The following DOCK4 variants were observed in gnomAD, a reference collection of about 807,000 sequenced individuals.
DOCK4 encodes the protein dedicator of cytokinesis 4, also known as dedicator of cytokinesis protein 4.
DOCK4 carries 97 observed loss-of-function variants against 268.1 expected under a neutral mutation model. The ratio of observed to expected loss-of-function variants is 0.36; its 90% CI spans 0.31 to 0.43. The LOEUF is 0.43. Ranked by LOEUF, DOCK4 falls within the 20% of genes least tolerant of loss-of-function variation. The pLI is 1.00. For synonymous variants in DOCK4, 954 were observed against 887.2 expected, an observed-to-expected ratio of 1.08 and a Z score of -1.34; for missense variants, 2,145 against 2,455.7, an observed-to-expected ratio of 0.87 and a Z score of 2.67.
chr7:111,792,191 GA>G (rs1799596111), intron 30 of DOCK4, among the ~76,000 whole-genome samples: 1 of 152,188 alleles, frequency 6.6e-6, no homozygotes, highest in Non-Finnish European at 1.5e-5. Context: ...TGCATGCTAT[GA>G]AAAACACACT....
intron 30 of DOCK4, among the ~76,000 whole-genome samples, chr7:111,791,550 C>A (rs1456754439): frequency 6.6e-6 from 1 of 151,770 alleles, no homozygotes; most frequent in Non-Finnish European, 1.5e-5. Context: ...CAGGCTGAAG[C>A]ACATCTCCTG....
At position 112,030,673 on chromosome 7, in the gene DOCK4, G is replaced by A. The variant is rs146932952; in HGVS notation, c.38-26542C>T. 8.8e-3 allele frequency among the ~76,000 whole-genome samples: 1,347 copies of A among 152,242 alleles called. 14 individuals carry two copies. The highest frequency in any genetic ancestry group is 0.015 in the Non-Finnish European group (1,031 of 68,020). ...GATCTTTCATCTTTTGGGACTTTGA[G>A]CTCTGAGACAGACGAAAGCCTAGAG... On this transcript the variant is annotated intron_variant, in intron 1 of 52. Transcript: ENST00000428084.
Position 111,903,087 on chromosome 7 carries a change from A to C in DOCK4, c.1193-1286T>G, listed in dbSNP as rs1276321866. Among the ~76,000 whole-genome samples the C allele has an allele frequency of 2.6e-5, 4 of 152,052 alleles. No individual in the cohort carries two copies. In the East Asian group the frequency reaches 7.7e-4, roughly 29 times the overall value. ...AAAATAACCATATAACTATGTCTAC[A>C]ATTGGGAGTTTTATAAAACTTCTTC... On this transcript the variant is annotated intron_variant, in intron 13 of 52. Coordinates refer to ENST00000428084, the MANE Select transcript of DOCK4 (RefSeq NM_001363540.2).
chr7:112,112,806 C>G (rs1811786564), intron 1 of DOCK4, among the ~76,000 whole-genome samples: 1 of 152,152 alleles, frequency 6.6e-6, no homozygotes, highest in South Asian at 2.1e-4. Flanking sequence ...CTCATTGGCT[C>G]TTGATTCCTC....
chr7:111,770,898 G>T (rs1037093341), intron 36 of DOCK4, among the ~76,000 whole-genome samples: 1 of 152,144 alleles, frequency 6.6e-6, no homozygotes, highest in South Asian at 2.1e-4. Flanking sequence ...ATGTAAAAAA[G>T]ATAGTTGCAA....
intron 8 of DOCK4, among the ~76,000 whole-genome samples, chr7:111,969,586 A>C (rs529202493): frequency 6.6e-6 from 1 of 152,014 alleles, no homozygotes; most frequent in Non-Finnish European, 1.5e-5. Context: ...CATGGTAGAA[A>C]AAGAAATCTC....
At chr7:111,798,826 G>A (rs1800076061) in intron 30 of DOCK4, among the ~76,000 whole-genome samples, 1 of 152,224 alleles carries the variant, frequency 6.6e-6, no homozygotes, top group Non-Finnish European at 1.5e-5. Context: ...CTCCAAGTAT[G>A]CTTTCCTAAT....
chr7:111,976,177 T>TATACAC (rs1435347839), intron 8 of DOCK4, among the ~76,000 whole-genome samples: 5 of 89,160 alleles, frequency 5.6e-5, no homozygotes, highest in African/African-American at 3.5e-4. Flanking sequence ...TATATATATA[T>TATACAC]ACACACACAC....
chr7:112,073,354 G>A (rs7804239), intron 1 of DOCK4, among the ~76,000 whole-genome samples: 131 of 151,942 alleles, frequency 8.6e-4, no homozygotes, highest in African/African-American at 2.8e-3. Flanking sequence ...GTTTACTGTC[G>A]CATTATCCAC....
chr7:112,075,166 G>T (rs1296479483), intron 1 of DOCK4, among the ~76,000 whole-genome samples: 1 of 152,200 alleles, frequency 6.6e-6, no homozygotes, highest in East Asian at 1.9e-4. Flanking sequence ...TGGGGTCAGG[G>T]AAAGACACTG....
chr7:111,844,201 G>A (rs902829647), intron 25 of DOCK4, among the ~76,000 whole-genome samples: 10 of 152,252 alleles, frequency 6.6e-5, no homozygotes, highest in African/African-American at 7.2e-5. Context: ...ACTTGAACCC[G>A]GGAGATGGAG....
intron 1 of DOCK4, among the ~76,000 whole-genome samples, chr7:112,124,712 T>A (rs1813056763): frequency 6.6e-6 from 1 of 152,252 alleles, no homozygotes; most frequent in Non-Finnish European, 1.5e-5. Flanking sequence ...TATTATCAAC[T>A]GTCTAGCGCA....
At chr7:111,913,712 A>ATT (rs754312104) in intron 13 of DOCK4, among the ~76,000 whole-genome samples, 1,446 of 137,324 alleles carry the variant, frequency 0.011, 30 homozygotes, top group African/African-American at 0.035. Flanking sequence ...CCCGGCCACA[A>ATT]TTTTTTTTTT....
At chr7:111,994,377 T>C (rs988737742) in intron 4 of DOCK4, 146 bp from the exon 5 acceptor site, 3 of 519,016 alleles carry the variant, frequency 5.8e-6, no homozygotes, top group Non-Finnish European at 1.0e-5. Context: ...TATAAGTTAA[T>C]GTGAGGAATG....
intron 23 of DOCK4, 189 bp downstream of exon 23, chr7:111,863,183 C>G (rs983140148): frequency 1.6e-6 from 1 of 621,028 alleles, no homozygotes; most frequent in Admixed American, 2.9e-5. Flanking sequence ...TTCATTCTTT[C>G]CAGAAATAAA....
intron 12 of DOCK4, among the ~76,000 whole-genome samples, chr7:111,925,088 G>A (rs145880397): frequency 1.7e-3 from 257 of 152,238 alleles, no homozygotes; most frequent in African/African-American, 5.9e-3. Context: ...TCTGAAATAC[G>A]TAGGGCCTCA....
intron 23 of DOCK4, 200 bp downstream of exon 23, chr7:111,863,172 T>A (rs1377884494): frequency 1.7e-6 from 1 of 601,004 alleles, no homozygotes; most frequent in Admixed American, 3.0e-5. Flanking sequence ...AATCATTAGT[T>A]TTCATTCTTT....
chr7:112,079,423 T>A (rs199585254), intron 1 of DOCK4, among the ~76,000 whole-genome samples: 2 of 152,304 alleles, frequency 1.3e-5, no homozygotes, highest in East Asian at 1.9e-4. Context: ...TGGGTCACTA[T>A]TGGCAATATA....
At chr7:111,973,159 A>G (rs879636022) in intron 8 of DOCK4, among the ~76,000 whole-genome samples, 459 of 32,630 alleles carry the variant, frequency 0.014, 2 homozygotes, top group Non-Finnish European at 0.037. Context: ...TCCATGGCAT[A>G]TATATATATA....
Sources: gnomAD v4.1 joint callset for allele counts (sites outside exome capture counted in the v4.1 genomes callset) on GRCh38, gnomAD v4.1.1 for gene constraint, MANE v1.5 for transcripts, NCBI Gene and HGNC (gene_info 2026-07-23, HGNC 2026-07-21) for gene names.